Variants in TCF7L2 observed in about 807,000 individuals in gnomAD.
TCF7L2 encodes the protein transcription factor 7 like 2.
TCF7L2 carries 23 observed loss-of-function variants against 77.9 expected under a neutral mutation model. That is an observed-to-expected ratio of 0.30 (90% CI 0.21 to 0.42). The LOEUF is 0.42. Ranked by LOEUF, TCF7L2 falls within the 10% of genes least tolerant of loss-of-function variation. TCF7L2 has a pLI of 1.00. For missense variants in TCF7L2, 654 were observed against 793.1 expected, an observed-to-expected ratio of 0.82 and a Z score of 2.11; for synonymous variants, 413 against 340.2, an observed-to-expected ratio of 1.21 and a Z score of -2.36.
At chr10:113,022,799 A>C (rs1590609179) in intron 4 of TCF7L2, among the ~76,000 whole-genome samples, 1 of 149,564 alleles carries the variant, frequency 6.7e-6, no homozygotes, top group African/African-American at 2.4e-5. Flanking sequence ...TTCCCATTTT[A>C]CAGATGAGGG....
chr10:112,966,766 G>T (rs900582005), intron 4 of TCF7L2, among the ~76,000 whole-genome samples: 1 of 152,176 alleles, frequency 6.6e-6, no homozygotes, highest in African/African-American at 2.4e-5. Flanking sequence ...CACGGTGCAG[G>T]CCATGTGAAG....
At chr10:112,975,054 T>TC (rs2039131228) in intron 4 of TCF7L2, among the ~76,000 whole-genome samples, 1 of 152,156 alleles carries the variant, frequency 6.6e-6, no homozygotes, top group African/African-American at 2.4e-5. Context: ...CATTACCTGT[T>TC]CCCGGGGGTT....
intron 3 of TCF7L2, among the ~76,000 whole-genome samples, chr10:112,960,506 C>T (rs573300885): frequency 1.3e-5 from 2 of 152,170 alleles, no homozygotes; most frequent in South Asian, 2.1e-4. Context: ...ATGGAAAATA[C>T]GCTGGAGTTC....
chr10:112,965,261 G>A (rs944849153), intron 4 of TCF7L2, among the ~76,000 whole-genome samples: 6 of 152,154 alleles, frequency 3.9e-5, no homozygotes, highest in Non-Finnish European at 7.3e-5. Flanking sequence ...TCCTGCTCAC[G>A]TAGTACTTCC....
At chr10:113,017,447 A>G (rs970180098) in intron 4 of TCF7L2, among the ~76,000 whole-genome samples, 1 of 152,236 alleles carries the variant, frequency 6.6e-6, no homozygotes, top group Non-Finnish European at 1.5e-5. Flanking sequence ...TCACCTGCCC[A>G]TGCCGTCTTC....
At chr10:112,975,800 C>T (rs935331204) in intron 4 of TCF7L2, among the ~76,000 whole-genome samples, 1 of 152,172 alleles carries the variant, frequency 6.6e-6, no homozygotes. Context: ...GTTTATTTAG[C>T]ACCATTCATT....
intron 4 of TCF7L2, among the ~76,000 whole-genome samples, chr10:113,039,650 GT>G (rs1049211990): frequency 6.6e-6 from 1 of 152,102 alleles, no homozygotes; most frequent in African/African-American, 2.4e-5. Context: ...TGAGATTTGT[GT>G]TTTACTTTCT....
At chr10:113,080,166 A>G (rs1405551865) in intron 5 of TCF7L2, among the ~76,000 whole-genome samples, 1 of 151,936 alleles carries the variant, frequency 6.6e-6, no homozygotes, top group African/African-American at 2.4e-5. Flanking sequence ...ATTTTTACTA[A>G]TAAAGTTATA....
At chr10:113,090,871 C>T (rs551988664) in intron 5 of TCF7L2, among the ~76,000 whole-genome samples, 33 of 152,200 alleles carry the variant, frequency 2.2e-4, no homozygotes, top group African/African-American at 5.5e-4. Context: ...GCCTCCCAAA[C>T]TGCTGGGATT....
intron 5 of TCF7L2, among the ~76,000 whole-genome samples, chr10:113,051,230 CACACACACACACAGACACAT>C (rs900334384): frequency 6.1e-5 from 9 of 148,342 alleles, no homozygotes; most frequent in Non-Finnish European, 1.2e-4. Context: ...CACACACACA[CACACACACACACAGACACAT>C]ACATATGCAC....
At chr10:113,089,371 A>T (rs2060140934) in intron 5 of TCF7L2, 2 of 1,607,566 alleles carry the variant, frequency 1.2e-6, no homozygotes, top group South Asian at 2.2e-5. Context: ...CCCGAGCCTT[A>T]CTCTGTTCCC....
intron 4 of TCF7L2, among the ~76,000 whole-genome samples, chr10:112,993,079 A>G (rs969604521): frequency 2.6e-5 from 4 of 151,944 alleles, no homozygotes; most frequent in Non-Finnish European, 5.9e-5. Context: ...TTGTATTTCT[A>G]ACGTCCCCCT....
intron 3 of TCF7L2, among the ~76,000 whole-genome samples, chr10:112,959,234 A>G (rs1589672276): frequency 6.6e-6 from 1 of 152,126 alleles, no homozygotes. Context: ...ATTTCCCCGC[A>G]GACCTACAGA....
At chr10:113,022,063 T>A (rs73358261) in intron 4 of TCF7L2, among the ~76,000 whole-genome samples, 8,531 of 152,248 alleles carry the variant, frequency 0.056, 758 homozygotes, top group African/African-American at 0.19. Flanking sequence ...GAAAAAAAAA[T>A]CAAGACATGG....
At chr10:113,054,638 C>T (rs1316092150) in intron 5 of TCF7L2, among the ~76,000 whole-genome samples, 1 of 152,144 alleles carries the variant, frequency 6.6e-6, no homozygotes, top group Admixed American at 6.5e-5. Context: ...GTACCTGCCA[C>T]CTAAAATAAC....
At chr10:112,973,820 C>T (rs933991451) in intron 4 of TCF7L2, among the ~76,000 whole-genome samples, 2 of 152,084 alleles carry the variant, frequency 1.3e-5, no homozygotes, top group Non-Finnish European at 2.9e-5. Context: ...TGAACCCTCA[C>T]CTCAAGTAAT....
At chr10:113,068,371 T>C (rs2057524701) in intron 5 of TCF7L2, among the ~76,000 whole-genome samples, 2 of 152,312 alleles carry the variant, frequency 1.3e-5, no homozygotes, top group Middle Eastern at 3.4e-3. Context: ...AGCCAGTGAT[T>C]GGCCCATCCA....
intron 5 of TCF7L2, among the ~76,000 whole-genome samples, chr10:113,107,772 A>AAAAAC (rs1686772321): frequency 6.6e-6 from 1 of 151,132 alleles, no homozygotes; most frequent in Non-Finnish European, 1.5e-5. Context: ...AAAAAAAAAA[A>AAAAAC]AAAACAACAA....
chr10:113,142,766 T>C (rs1386452488), intron 6 of TCF7L2, among the ~76,000 whole-genome samples: 2 of 152,238 alleles, frequency 1.3e-5, no homozygotes, highest in Non-Finnish European at 2.9e-5. Context: ...ATTTAAATAA[T>C]GGTAGTACAG....
Sources: gnomAD v4.1 joint callset for allele counts (sites outside exome capture counted in the v4.1 genomes callset) on GRCh38, gnomAD v4.1.1 for gene constraint, MANE v1.5 for transcripts, NCBI Gene and HGNC (gene_info 2026-07-23, HGNC 2026-07-21) for gene names.